The following SPATS2 variants were observed in gnomAD, a reference collection of about 807,000 sequenced individuals.
SPATS2 encodes the protein spermatogenesis-associated serine-rich protein 2.
A neutral mutation model predicts 63.7 loss-of-function variants in SPATS2; 38 were observed. The ratio of observed to expected loss-of-function variants is 0.60; its 90% confidence interval spans 0.46 to 0.78. SPATS2 has a LOEUF of 0.78. SPATS2 is among the 30% of genes least tolerant of loss of function. The pLI is 0.00. For synonymous variants in SPATS2, 207 were observed against 232.9 expected (o/e 0.89, Z 1.01); for missense variants, 588 against 666.2 (o/e 0.88, Z 1.29).
intron 2 of SPATS2, among the ~76,000 whole-genome samples, chr12:49,378,987 G>A (rs576164126): frequency 2.5e-4 from 38 of 151,498 alleles, no homozygotes; most frequent in African/African-American, 8.5e-4. Flanking sequence ...GTGCGATCTC[G>A]GCTCACTTCA....
At chr12:49,389,413 G>A (rs1388096327) in intron 2 of SPATS2, 2 of 594,324 alleles carry the variant, frequency 3.4e-6, no homozygotes, top group African/African-American at 3.7e-5. Flanking sequence ...GGGGCGCGGA[G>A]TCTCTTCCCT....
chr12:49,498,145 A>AATATATATATATATATATAT (rs1555191172), intron 8 of SPATS2, among the ~76,000 whole-genome samples: 32 of 98,952 alleles, frequency 3.2e-4, no homozygotes, highest in South Asian at 6.9e-4. Context: ...AAAAAAAAAA[A>AATATATATATATATATATAT]ATATATATAT....
chr12:49,483,044 C>T (rs1272690766), intron 3 of SPATS2, among the ~76,000 whole-genome samples: 1 of 149,602 alleles, frequency 6.7e-6, no homozygotes, highest in Non-Finnish European at 1.5e-5. Flanking sequence ...CTGCCTTGGC[C>T]TCCCAAAATG....
rs1018505449 is a variant in SPATS2 at position 49,389,875 on chromosome 12, C to T, written c.-244+18585C>T. On this transcript the variant is annotated intron_variant, in intron 2 of 13. Coordinates refer to ENST00000552918, the MANE Select transcript of SPATS2 (RefSeq NM_023071.4). Reference sequence around the variant, plus strand: ...CTAATGGCTAGCAAAAAAGATGATCCGGGAAAAATAATGAAGTTAACAAAA... The same window carrying T: ...CTAATGGCTAGCAAAAAAGATGATCTGGGAAAAATAATGAAGTTAACAAAA... The T allele has an allele frequency of 1.2e-5, 10 of 833,356 alleles. No individual in the cohort carries two copies. The East Asian group carries it at 1.7e-4, about 14-fold the overall frequency. The allele number at this position is 833,356 out of a possible 1,614,324, so 51.6% of individuals were successfully genotyped here. A position where few individuals can be genotyped will look rare whatever the true frequency, so the allele number is the denominator to read the frequency against.
intron 2 of SPATS2, among the ~76,000 whole-genome samples, chr12:49,427,377 A>C (rs962707911): frequency 1.3e-5 from 2 of 152,210 alleles, no homozygotes; most frequent in Non-Finnish European, 2.9e-5. Context: ...TATAGTTGAC[A>C]CATTTTTGCA....
chr12:49,398,098 T>G (rs1469006452), intron 2 of SPATS2, among the ~76,000 whole-genome samples: 1 of 121,486 alleles, frequency 8.2e-6, no homozygotes, highest in African/African-American at 3.4e-5. Flanking sequence ...ATCAAGCCAC[T>G]GCACTCCAGC....
chr12:49,421,363 A>T (rs964981162), intron 2 of SPATS2, among the ~76,000 whole-genome samples: 6 of 127,528 alleles, frequency 4.7e-5, no homozygotes, highest in African/African-American at 1.8e-4. Flanking sequence ...GGTTGTGGTG[A>T]GTGGAGATGA....
chr12:49,401,291 A>G (rs1165910352), intron 2 of SPATS2, among the ~76,000 whole-genome samples: 1 of 152,196 alleles, frequency 6.6e-6, no homozygotes, highest in African/African-American at 2.4e-5. Context: ...GATTACAGGC[A>G]TGAGCCACTG....
intron 2 of SPATS2, among the ~76,000 whole-genome samples, chr12:49,397,614 G>A (rs995270032): frequency 2.0e-5 from 3 of 151,934 alleles, no homozygotes; most frequent in African/African-American, 7.3e-5. Flanking sequence ...GATCGCTTAA[G>A]GCCAGGAGTT....
At chr12:49,486,099 C>G (rs1946287910) in intron 4 of SPATS2, among the ~76,000 whole-genome samples, 2 of 151,780 alleles carry the variant, frequency 1.3e-5, no homozygotes, top group African/African-American at 4.9e-5. Context: ...CTATGGAGTC[C>G]TGTACAGTGG....
intron 8 of SPATS2, among the ~76,000 whole-genome samples, chr12:49,498,141 A>ATAT (rs1555191148): frequency 3.5e-3 from 260 of 74,294 alleles, no homozygotes; most frequent in Non-Finnish European, 5.3e-3. Flanking sequence ...CCAAAAAAAA[A>ATAT]AAAAATATAT....
rs145387365 is a variant in SPATS2 at position 49,430,418 on chromosome 12, A to G, written c.-243-30352A>G. Among the ~76,000 whole-genome samples the G allele has an allele frequency of 4.1e-4, 62 of 152,148 alleles. 1 individual carries two copies. The highest frequency in any genetic ancestry group is 7.9e-4 in the Non-Finnish European group (54 of 67,972). On this transcript the variant is annotated intron_variant, in intron 2 of 13. Transcript: ENST00000552918. ...TGCCTGGCATTTCATATTTCTTTAT[A>G]AAGCTGATGAAAATGATATTTATTG...
chr12:49,374,152 A>G (rs1322381038), intron 2 of SPATS2, among the ~76,000 whole-genome samples: 2 of 151,966 alleles, frequency 1.3e-5, no homozygotes, highest in African/African-American at 4.8e-5. Flanking sequence ...TTTTTTGGAA[A>G]CAGGGTTTTG....
intron 2 of SPATS2, among the ~76,000 whole-genome samples, chr12:49,405,816 C>T (rs1944684308): frequency 6.6e-6 from 1 of 152,158 alleles, no homozygotes; most frequent in Admixed American, 6.5e-5. Context: ...AGACGACTTT[C>T]GTGTATATAA....
At chr12:49,447,959 A>T (rs1945545595) in intron 2 of SPATS2, among the ~76,000 whole-genome samples, 2 of 151,526 alleles carry the variant, frequency 1.3e-5, no homozygotes, top group Admixed American at 1.3e-4. Flanking sequence ...TTGTGGTCTA[A>T]TCTGTAGTAT....
At chr12:49,486,291 C>T (rs1419424625) in intron 4 of SPATS2, 8 of 437,868 alleles carry the variant, frequency 1.8e-5, no homozygotes, top group African/African-American at 1.0e-4. Context: ...TGCACACCTC[C>T]GCCTCCCGGG....
At chr12:49,380,786 C>T (rs1944204718) in intron 2 of SPATS2, among the ~76,000 whole-genome samples, 1 of 151,756 alleles carries the variant, frequency 6.6e-6, no homozygotes, top group South Asian at 2.1e-4. Context: ...AAGAAGGTTA[C>T]TGTGAACATT....
intron 3 of SPATS2, among the ~76,000 whole-genome samples, chr12:49,466,290 G>A (rs1945913780): frequency 6.6e-6 from 1 of 151,962 alleles, no homozygotes; most frequent in South Asian, 2.1e-4. Context: ...AGCCTCCTGA[G>A]TAGCTGGGAT....
In SPATS2 at chr12:49,452,059, G is replaced by A. The variant is rs188406583; in HGVS notation, c.-243-8711G>A. Among the ~76,000 whole-genome samples, 8 of 152,114 alleles carry A rather than the reference G, an allele frequency of 5.3e-5. No homozygotes were observed. The East Asian group carries it at 1.5e-3, about 29-fold the overall frequency. On this transcript the variant is annotated intron_variant, in intron 2 of 13. Transcript: ENST00000552918. ...GATCTTCTGGTTTTGGCTTTAATCA[G>A]TTTCACTATGATATGTCTAGATGTG... is the stretch of plus-strand genomic sequence containing the variant.
Sources: allele counts gnomAD v4.1 joint callset (sites outside exome capture counted in the v4.1 genomes callset), GRCh38; gene constraint gnomAD v4.1.1; transcripts MANE v1.5; gene names NCBI Gene and HGNC (gene_info 2026-07-23, HGNC 2026-07-21).